POMT2: variants seen among roughly 807,000 people sequenced by gnomAD.
The protein encoded by POMT2 is protein O-mannosyl-transferase 2.
In POMT2, 75 loss-of-function variants were observed where a neutral mutation model predicts 100.0. The observed-to-expected ratio is 0.75, with a 90% CI of 0.62 to 0.91. The LOEUF is 0.91. POMT2 is among the 40% of genes least tolerant of loss of function. The pLI is 0.00. For missense variants in POMT2, 940 were observed against 955.1 expected (o/e 0.98, Z 0.21); for synonymous variants, 378 against 374.1 (o/e 1.01, Z -0.12).
At chr14:77,318,194 C>T (rs2139539361) in intron 1 of POMT2, among the ~76,000 whole-genome samples, 1 of 152,260 alleles carries the variant, frequency 6.6e-6, no homozygotes, top group Admixed American at 6.5e-5. Context: ...TGTCCCTATC[C>T]AGCACCAAAG....
chr14:77,299,518 A>G lies in POMT2; in HGVS notation c.860T>C (p.Ile287Thr). 6.2e-7 allele frequency: 1 copy of G among 1,614,194 alleles called. No homozygotes were observed. Among genetic ancestry groups the G allele is most frequent in the South Asian group, 1.1e-5 (1 of 91,082 alleles). The part of the protein sequence containing the change: ...KHLTARVLCL[I>T]VLPLALYTAT... ...TGTATAGAGAGCCAGGGGCAGCACT[A>G]TGAGGCACAGGACACGAGCAGTCAG... Residue 287 changes from isoleucine (I) to threonine (T), a missense_variant, in exon 7 of 21, where the codon ATA becomes ACA. Coordinates refer to ENST00000261534, the MANE Select transcript of POMT2 (RefSeq NM_013382.7).
chr14:77,305,402 A>G (rs755072), intron 3 of POMT2, among the ~76,000 whole-genome samples: 2,843 of 152,236 alleles, frequency 0.019, 42 homozygotes, highest in Admixed American at 0.046. Context: ...CTGTCCATCA[A>G]AATAAACAGA....
In POMT2 at chr14:77,296,129, T is replaced by C. The variant is rs2302831; in HGVS notation, c.1116+35A>G. The C allele has an allele frequency of 0.022, 32,345 of 1,479,704 alleles. 507 individuals carry two copies. The highest frequency in any genetic ancestry group is 0.065 in the Middle Eastern group (380 of 5,852). The allele number at this position is 1,479,704 out of a possible 1,614,324, so 91.7% of individuals were successfully genotyped here. A position where few individuals can be genotyped will look rare whatever the true frequency, so the allele number is the denominator to read the frequency against. ...GAGTGAACTGTCATGGCGAACAGCATTGCTGCCGTACAAGTGCACAAAAGG... is the reference window on the plus strand; with the variant it reads ...GAGTGAACTGTCATGGCGAACAGCACTGCTGCCGTACAAGTGCACAAAAGG... On this transcript the variant is annotated intron_variant, in intron 9 of 20. Transcript: ENST00000261534.
rs755436595 is a variant in POMT2, at chr14:77,299,541, C to T, written c.837G>A (p.Leu279=). ...CTATGAGGCACAGGACACGAGCAGT[C>T]AGGTGTTTTCCCACAGTCACCTGCA... is the stretch of plus-strand genomic sequence containing the variant. ...SLSLVTVGKH[L]TARVLCLIVL... Residue 279 remains leucine (L), a synonymous_variant, in exon 7 of 21, where the codon CTG becomes CTA. Transcript: ENST00000261534. 2.5e-6 allele frequency: 4 copies of T among 1,613,984 alleles called. No homozygotes were observed. The highest frequency in any genetic ancestry group is 1.3e-5 in the African/African-American group (1 of 74,924).
intron 13 of POMT2, 174 bp downstream of exon 13, chr14:77,285,307 C>T (rs1890380787): frequency 3.5e-6 from 3 of 865,026 alleles, no homozygotes; most frequent in African/African-American, 1.7e-5. Flanking sequence ...CACCGAAGCT[C>T]CCCCGGAGTT....
chr14:77,297,971 C>T (rs1890889070), intron 8 of POMT2, among the ~76,000 whole-genome samples: 2 of 152,224 alleles, frequency 1.3e-5, no homozygotes, highest in South Asian at 2.1e-4. Context: ...ATACCTCATC[C>T]AGACACCTCA....
chr14:77,315,003 T>C (rs1188740557), intron 1 of POMT2, among the ~76,000 whole-genome samples: 1 of 152,144 alleles, frequency 6.6e-6, no homozygotes. Context: ...TGATTAAAGG[T>C]TGGGCTGAGG....
Position 77,275,726 on chromosome 14 carries a change from A to G in POMT2, c.*1650T>C, listed in dbSNP as rs142194129. The G allele has an allele frequency of 6.6e-5, 10 of 152,242 alleles. No individual in the cohort carries two copies. Among genetic ancestry groups the G allele is most frequent in the African/African-American group, 2.4e-4 (10 of 41,444 alleles). 9.4% of individuals were successfully genotyped at this position (152,242 alleles called of 1,614,324 possible). On this transcript the variant is annotated 3_prime_UTR_variant, in exon 21 of 21. Transcript: ENST00000261534. ...AAGCAAGTGGCCCAGACTCAGCCGC[A>G]CAGACAGCGCTTCCTGCTGGGGGAA...
At chr14:77,279,548 C>G in intron 18 of POMT2, 1 of 589,636 alleles carries the variant, frequency 1.7e-6, no homozygotes, top group South Asian at 1.5e-5. Context: ...AGCTGTATGT[C>G]CTGGGGCAAG....
intron 8 of POMT2, chr14:77,296,636 A>G: frequency 3.4e-6 from 1 of 294,624 alleles, no homozygotes; most frequent in Non-Finnish European, 6.6e-6. Flanking sequence ...AATGTTCTCC[A>G]AGATACAGCA....
At chr14:77,279,165 T>G (rs1389414251) in intron 18 of POMT2, 1 of 485,152 alleles carries the variant, frequency 2.1e-6, no homozygotes, top group Non-Finnish European at 3.8e-6. Context: ...ACTCCCTACT[T>G]CCACCTCCCA....
intron 2 of POMT2, among the ~76,000 whole-genome samples, chr14:77,311,449 A>G (rs889187344): frequency 2.0e-5 from 3 of 152,208 alleles, no homozygotes; most frequent in African/African-American, 7.2e-5. Context: ...GTAACATGTC[A>G]TCACCCCATA....
In POMT2 at chr14:77,277,208, C is replaced by T; in HGVS notation, c.*168G>A. 1 of 664,400 alleles carries T rather than the reference C, an allele frequency of 1.5e-6. No individual in the cohort carries two copies. Among genetic ancestry groups the T allele is most frequent in the Non-Finnish European group, 2.7e-6 (1 of 369,598 alleles). The allele number at this position is 664,400 out of a possible 1,614,324, so 41.2% of individuals were successfully genotyped here. On this transcript the variant is annotated 3_prime_UTR_variant, in exon 21 of 21. Coordinates refer to ENST00000261534, the MANE Select transcript of POMT2 (RefSeq NM_013382.7). ...AGCTGCGGCTCTCTCCCGGCTCTCTCCAATGCTGGGTTCCATTCCAGCTGC... is the reference window on the plus strand; with the variant it reads ...AGCTGCGGCTCTCTCCCGGCTCTCTTCAATGCTGGGTTCCATTCCAGCTGC...
At chr14:77,288,872 C>T (rs1414120979) in intron 10 of POMT2, 41 bp from the exon 11 acceptor site, 9 of 1,565,130 alleles carry the variant, frequency 5.8e-6, no homozygotes, top group Non-Finnish European at 7.9e-6. Context: ...AAATCACTCA[C>T]CAGGCTAGTA....
intron 15 of POMT2, 70 bp downstream of exon 15, chr14:77,283,727 A>T: frequency 7.6e-7 from 1 of 1,310,648 alleles, no homozygotes; most frequent in Non-Finnish European, 1.1e-6. Context: ...CATGGCATTG[A>T]CTTGTGATCC....
rs953851097 is a variant in POMT2 at position 77,279,936 on chromosome 14, G to A, written c.1786-8C>T. ...ATTCAGCCACCAAACCACCTGTGCA[G>A]AAATGGGAATGGGCAGATGAGAACG... On this transcript the variant is annotated splice_region_variant and splice_polypyrimidine_tract_variant and intron_variant, in intron 17 of 20. Coordinates refer to ENST00000261534, the MANE Select transcript of POMT2 (RefSeq NM_013382.7). 2 of 1,614,072 alleles carry A rather than the reference G, an allele frequency of 1.2e-6. No homozygotes were observed. The highest frequency in any genetic ancestry group is 2.7e-5 in the African/African-American group (2 of 74,932).
intron 10 of POMT2, 24 bp from the exon 11 acceptor site, chr14:77,288,855 A>G (rs750765143): frequency 9.3e-6 from 15 of 1,605,242 alleles, no homozygotes; most frequent in Non-Finnish European, 1.3e-5. Context: ...ACAAGCATTG[A>G]TATCCAAAAT....
Position 77,283,891 on chromosome 14 carries a change from A to G in POMT2, c.1577-18T>C. ...GTTTGGCACTAGGGGAAAAAAATGC[A>G]GGAGAAAAGCCTTTGTCATACATTC... On this transcript the variant is annotated intron_variant, in intron 14 of 20. Transcript: ENST00000261534. 1 of 1,584,584 alleles carries G rather than the reference A, an allele frequency of 6.3e-7. No individual in the cohort carries two copies. The highest frequency in any genetic ancestry group is 2.2e-5 in the East Asian group (1 of 44,728).
intron 15 of POMT2, 90 bp downstream of exon 15, chr14:77,283,707 G>A: frequency 1.8e-6 from 2 of 1,124,534 alleles, no homozygotes; most frequent in South Asian, 1.2e-5. Flanking sequence ...AAGGGGGAAT[G>A]GATCTGTAGC....
Sources: allele counts gnomAD v4.1 joint callset (sites outside exome capture counted in the v4.1 genomes callset), GRCh38; gene constraint gnomAD v4.1.1; transcripts MANE v1.5; gene names NCBI Gene and HGNC (gene_info 2026-07-23, HGNC 2026-07-21).